The following PRSS55 variants were observed in gnomAD, a reference collection of about 807,000 sequenced individuals.
PRSS55 encodes the protein serine protease 55, also known as probable serine protease UNQ9391/PRO34284.
In PRSS55, 41 loss-of-function variants were observed where a neutral mutation model predicts 23.6. The observed-to-expected ratio is 1.74, with a 90% confidence interval of 1.35 to 2.26. The LOEUF (loss-of-function observed/expected upper bound fraction) is 2.26, where lower values mean the gene tolerates loss of function less well. PRSS55 is among the 30% of genes most tolerant of loss of function. PRSS55 has a pLI of 0.00. For synonymous variants in PRSS55, 262 were observed against 175.5 expected (o/e 1.49, Z -3.90); for missense variants, 669 against 439.1 (o/e 1.52, Z -4.68).
At chr8:10,541,500 A>C (rs367933519), downstream of PRSS55, 7 of 152,156 alleles carry the variant, frequency 4.6e-5, no homozygotes, top group African/African-American at 1.2e-4. Flanking sequence ...GCTCTCCTGC[A>C]TCTCGAGCCT....
chr8:10,526,556 C>T (rs1033864659), intron 1 of PRSS55, among the ~76,000 whole-genome samples: 3 of 152,222 alleles, frequency 2.0e-5, no homozygotes, highest in East Asian at 1.9e-4. Flanking sequence ...AATGCGTGAT[C>T]GCTCAGATCA....
chr8:10,549,007 G>C (rs1812890340), intron 4 of PRSS55, among the ~76,000 whole-genome samples: 1 of 152,144 alleles, frequency 6.6e-6, no homozygotes, highest in Non-Finnish European at 1.5e-5. Flanking sequence ...CTCGTCTGTG[G>C]GTGCTGCTGT....
Position 10,538,657 on chromosome 8 carries a change from C to T in PRSS55, c.923C>T (p.Ala308Val). The T allele has an allele frequency of 2.5e-6, 4 of 1,614,140 alleles. No individual in the cohort carries two copies. The highest frequency in any genetic ancestry group is 1.1e-5 in the South Asian group (1 of 91,074). The change falls in exon 5 of 5, where the codon GCA becomes GTA. Residue 308 changes from alanine (A) to valine (V), a missense_variant. Coordinates refer to ENST00000328655, the MANE Select transcript of PRSS55 (RefSeq NM_198464.4). ...VTQLEGRPFN[A>V]EKRRTSVKQK... The stretch of plus-strand genomic sequence containing the variant: ...CAGCTAGAGGGCAGGCCCTTCAATG[C>T]AGAGAAAAGGAGGACTTCTGTCAAA...
chr8:10,525,711 G>T lies in PRSS55; in HGVS notation c.126G>T (p.Gln42His), dbSNP rs113179713. 2 of 1,611,742 alleles carry T rather than the reference G, an allele frequency of 1.2e-6. No homozygotes were observed. Residue 42 changes from glutamine (Q) to histidine (H), a missense_variant, in exon 1 of 5, where the codon CAG becomes CAT. Coordinates refer to ENST00000328655, the MANE Select transcript of PRSS55 (RefSeq NM_198464.4). ...LGRARGAHRPQPPHPPSPVSE... is the reference protein window; with the variant it reads ...LGRARGAHRPHPPHPPSPVSE... ...GGGCTAGGGGAGCCCACCGCCCTCA[G>T]CCCCCTCATCCCCCCAGCCCAGTCA...
At chr8:10,546,695 A>G (rs898528781) in intron 4 of PRSS55, among the ~76,000 whole-genome samples, 1 of 151,686 alleles carries the variant, frequency 6.6e-6, no homozygotes, top group East Asian at 1.9e-4. Context: ...CAAACAAACA[A>G]ACAAAAAACA....
intron 4 of PRSS55, among the ~76,000 whole-genome samples, chr8:10,545,552 T>C (rs1359969408): frequency 6.6e-6 from 1 of 152,194 alleles, no homozygotes; most frequent in Non-Finnish European, 1.5e-5. Context: ...TAGTCCCTGT[T>C]CCACACTTCA....
downstream of PRSS55, among the ~76,000 whole-genome samples, chr8:10,543,543 G>C (rs1352913753): frequency 1.4e-5 from 2 of 142,662 alleles, no homozygotes; most frequent in African/African-American, 5.3e-5. Flanking sequence ...GCACCATTTT[G>C]TTTCCTTTAA....
chr8:10,529,734 G>T (rs1812180316), intron 2 of PRSS55, 35 bp downstream of exon 2: 3 of 1,590,962 alleles, frequency 1.9e-6, no homozygotes, highest in Non-Finnish European at 8.6e-7. Flanking sequence ...CCACCTCTCA[G>T]GGCGCCCACC....
chr8:10,525,802 AG>A, intron 1 of PRSS55, 63 bp downstream of exon 1: 1 of 1,502,796 alleles, frequency 6.7e-7, no homozygotes, highest in Admixed American at 2.0e-5. Flanking sequence ...GGCTGCCAGG[AG>A]GGTGGATCGC....
At position 10,532,384 on chromosome 8, in the gene PRSS55, G is replaced by A. The variant is rs527611242; in HGVS notation, c.599-522G>A. Among the ~76,000 whole-genome samples the A allele has an allele frequency of 2.0e-4, 31 of 152,268 alleles. 1 individual carries two copies. The South Asian group carries it at 6.4e-3, about 32-fold the overall frequency. Reference sequence around the variant, plus strand: ...GTTAATGAGATGGAGAGGAATTCAGGTGAATTCCCGGCATCTGGCGGCCCA... The same window carrying A: ...GTTAATGAGATGGAGAGGAATTCAGATGAATTCCCGGCATCTGGCGGCCCA... On this transcript the variant is annotated intron_variant, in intron 3 of 4. Coordinates refer to ENST00000328655, the MANE Select transcript of PRSS55 (RefSeq NM_198464.4).
At chr8:10,539,088 G>A (rs1254808006), downstream of PRSS55, among the ~76,000 whole-genome samples, 2 of 151,940 alleles carry the variant, frequency 1.3e-5, no homozygotes, top group African/African-American at 4.8e-5. Context: ...AATATCCAGG[G>A]CTGGCATGAT....
At chr8:10,551,982 C>A (rs1812962113) in intron 4 of PRSS55, among the ~76,000 whole-genome samples, 3 of 152,246 alleles carry the variant, frequency 2.0e-5, no homozygotes, top group African/African-American at 7.2e-5. Flanking sequence ...AATAGCTCTA[C>A]AGAGCAGCCG....
downstream of PRSS55, among the ~76,000 whole-genome samples, chr8:10,543,419 T>TTCTTTTC (rs1554584929): frequency 2.4e-3 from 33 of 13,972 alleles, no homozygotes; most frequent in Non-Finnish European, 5.6e-3. Context: ...CTTTCTTCTT[T>TTCTTTTC]CTTTCTTCCT....
chr8:10,529,729 T>C (rs1243400599), intron 2 of PRSS55, 30 bp downstream of exon 2: 1 of 1,593,934 alleles, frequency 6.3e-7, no homozygotes, highest in Non-Finnish European at 8.6e-7. Context: ...CACTGCCACC[T>C]CTCAGGGCGC....
At chr8:10,552,477 G>A (rs1367963339) in intron 4 of PRSS55, among the ~76,000 whole-genome samples, 1 of 152,088 alleles carries the variant, frequency 6.6e-6, no homozygotes. Context: ...AATTAGCAGA[G>A]TAAAGAGACA....
At chr8:10,546,848 G>C (rs539100021) in intron 4 of PRSS55, among the ~76,000 whole-genome samples, 2 of 152,000 alleles carry the variant, frequency 1.3e-5, no homozygotes, top group East Asian at 3.9e-4. Flanking sequence ...ATCACACCTA[G>C]CTAATTATTT....
chr8:10,543,474 TTCTC>T (rs1448852658), downstream of PRSS55, among the ~76,000 whole-genome samples: 39 of 51,846 alleles, frequency 7.5e-4, no homozygotes, highest in Non-Finnish European at 1.5e-3. Flanking sequence ...CTTTCTTTCT[TTCTC>T]TCTTTTTTTT....
chr8:10,535,074 A>C (rs1283201407), intron 4 of PRSS55, among the ~76,000 whole-genome samples: 6 of 152,254 alleles, frequency 3.9e-5, no homozygotes, highest in Admixed American at 3.9e-4. Context: ...GAGACAAGAT[A>C]AACAAATGAA....
chr8:10,551,027 G>T (rs570771433), intron 4 of PRSS55, among the ~76,000 whole-genome samples: 8 of 152,138 alleles, frequency 5.3e-5, no homozygotes, highest in Admixed American at 2.6e-4. Context: ...CCCTGTTGCC[G>T]CCACCTTCTC....
Sources: allele counts gnomAD v4.1 joint callset (sites outside exome capture counted in the v4.1 genomes callset), GRCh38; gene constraint gnomAD v4.1.1; transcripts MANE v1.5; gene names NCBI Gene and HGNC (gene_info 2026-07-23, HGNC 2026-07-21).